The following RNF14 variants were observed in gnomAD, a reference collection of about 807,000 sequenced individuals.
The protein encoded by RNF14 is E3 ubiquitin-protein ligase RNF14.
A neutral mutation model predicts 52.6 loss-of-function variants in RNF14; 26 were observed. That is an observed-to-expected ratio of 0.49 (90% CI 0.36 to 0.69). The LOEUF is 0.69. Among genes scored for constraint, RNF14 ranks in the 30% least tolerant of loss-of-function variants. The pLI, the probability that RNF14 is intolerant of heterozygous loss-of-function variation, is 0.00. For missense variants in RNF14, 404 were observed against 560.4 expected (o/e 0.72, Z 2.82); for synonymous variants, 194 against 202.0 (o/e 0.96, Z 0.34).
chr5:141,977,850 A>C (rs1754401160), intron 4 of RNF14, among the ~76,000 whole-genome samples: 2 of 152,260 alleles, frequency 1.3e-5, no homozygotes, highest in South Asian at 4.1e-4. Flanking sequence ...TTTTTAAACT[A>C]TTCTTTTTCT....
At chr5:141,967,667 C>T (rs1395430457), upstream of RNF14, among the ~76,000 whole-genome samples, 1 of 152,170 alleles carries the variant, frequency 6.6e-6, no homozygotes, top group Non-Finnish European at 1.5e-5. Flanking sequence ...AGTCTTAGCT[C>T]TGCAAGTTAC....
upstream of RNF14, chr5:141,957,159 C>T (rs1459455929): frequency 1.2e-6 from 2 of 1,614,036 alleles, no homozygotes; most frequent in African/African-American, 1.3e-5. The surrounding 1 kb of genome is among the most constrained non-coding windows in gnomAD (Gnocchi z 4.3). Context: ...AGACGTTGAC[C>T]TTGACCAAGC....
upstream of RNF14, among the ~76,000 whole-genome samples, chr5:141,964,654 C>T (rs1006243271): frequency 1.3e-5 from 2 of 152,082 alleles, no homozygotes; most frequent in African/African-American, 4.8e-5. Context: ...CATTCTGTTG[C>T]CCAGGCTGGA....
At chr5:141,978,062 C>T (rs1754415375) in intron 4 of RNF14, among the ~76,000 whole-genome samples, 1 of 152,194 alleles carries the variant, frequency 6.6e-6, no homozygotes, top group Non-Finnish European at 1.5e-5. Flanking sequence ...CTCTTCTTCT[C>T]GTGGTACTTC....
intron 4 of RNF14, among the ~76,000 whole-genome samples, chr5:141,976,676 G>A (rs1754282342): frequency 6.6e-6 from 1 of 151,104 alleles, no homozygotes; most frequent in Admixed American, 6.6e-5. Flanking sequence ...AGTGGTTTTA[G>A]TTTTCTAAAA....
At position 141,984,783 on chromosome 5, in the gene RNF14, C is replaced by A. The variant is rs754931399; in HGVS notation, c.1237-20C>A. On this transcript the variant is annotated intron_variant, in intron 7 of 8. Transcript: ENST00000394520. Reference sequence around the variant, plus strand: ...GCTTTTACAGCCTTGATATTTTTCTCTTTCTATCCTTCCCACCAGAAATTA... The same window carrying A: ...GCTTTTACAGCCTTGATATTTTTCTATTTCTATCCTTCCCACCAGAAATTA... 7 of 1,612,276 alleles carry A rather than the reference C, an allele frequency of 4.3e-6. No individual in the cohort carries two copies. Among genetic ancestry groups the A allele is most frequent in the Non-Finnish European group, 5.9e-6 (7 of 1,178,704 alleles).
chr5:141,975,941 G>A lies in RNF14; in HGVS notation c.306+986G>A, dbSNP rs201188255. ...CCCTGTCTCAAAAAAAAAAAAAAAA[G>A]AAAAAGACAAAAGATGTCAGAGTTG... On this transcript the variant is annotated intron_variant, in intron 4 of 8. Transcript: ENST00000394520. Among the ~76,000 whole-genome samples, 992 of 138,834 alleles carry A rather than the reference G, an allele frequency of 7.1e-3. 12 individuals are homozygous for A. The highest frequency in any genetic ancestry group is 0.024 in the African/African-American group (916 of 37,712). The allele number at this position is 138,834 out of a possible 152,430, so 91.1% of individuals were successfully genotyped here.
chr5:141,976,344 A>G (rs2127003588), intron 4 of RNF14, among the ~76,000 whole-genome samples: 1 of 152,326 alleles, frequency 6.6e-6, no homozygotes, highest in East Asian at 1.9e-4. Context: ...CGCACAAAAC[A>G]GGGACAGATT....
intron 1 of RNF14, among the ~76,000 whole-genome samples, chr5:141,961,234 AC>A (rs1181457309): frequency 6.6e-5 from 10 of 151,888 alleles, no homozygotes; most frequent in African/African-American, 2.4e-4. Flanking sequence ...CTGTGTTTTG[AC>A]TGGGAATGTG....
chr5:141,987,105 T>C (rs1016698791), intron 8 of RNF14, among the ~76,000 whole-genome samples: 12 of 152,136 alleles, frequency 7.9e-5, no homozygotes, highest in African/African-American at 2.9e-4. Context: ...TTGGTTGATA[T>C]CAGCGGTGGA....
intron 5 of RNF14, among the ~76,000 whole-genome samples, chr5:141,979,498 C>T (rs185557037): frequency 2.0e-5 from 3 of 152,162 alleles, no homozygotes; most frequent in Non-Finnish European, 4.4e-5. Flanking sequence ...GTGATCCTCC[C>T]GCTTTGGCCT....
chr5:141,989,979 T>C lies in RNF14; in HGVS notation c.*2189T>C, dbSNP rs1755504753. On this transcript the variant is annotated 3_prime_UTR_variant, in exon 9 of 9. Coordinates refer to ENST00000394520, the MANE Select transcript of RNF14 (RefSeq NM_004290.5). Reference sequence around the variant, plus strand: ...TTTTATGAAAGAAATGGGAGCCTTTTTTCCCATTTATGATATTAAAAACAA... The same window carrying C: ...TTTTATGAAAGAAATGGGAGCCTTTCTTCCCATTTATGATATTAAAAACAA... 1 of 152,210 alleles carries C rather than the reference T, an allele frequency of 6.6e-6. No individual in the cohort carries two copies. 9.4% of individuals were successfully genotyped at this position (152,210 alleles called of 1,614,324 possible).
chr5:141,977,447 AC>A (rs1453210232), intron 4 of RNF14, among the ~76,000 whole-genome samples: 20 of 152,366 alleles, frequency 1.3e-4, no homozygotes, highest in African/African-American at 3.4e-4. Context: ...TTGGATGTTT[AC>A]CTAAAAAAGA....
At chr5:141,976,604 T>G (rs1754275822) in intron 4 of RNF14, among the ~76,000 whole-genome samples, 1 of 152,166 alleles carries the variant, frequency 6.6e-6, no homozygotes, top group South Asian at 2.1e-4. Context: ...CTCTCACCTG[T>G]TAATGGTGAA....
upstream of RNF14, among the ~76,000 whole-genome samples, chr5:141,967,970 A>C (rs375230576): frequency 1.8e-4 from 27 of 152,324 alleles, no homozygotes; most frequent in East Asian, 5.2e-3. Context: ...GAAACACCAT[A>C]TCTATTAGCG....
At chr5:141,969,835 A>G (rs1344493730) in intron 1 of RNF14, 1 of 152,258 alleles carries the variant, frequency 6.6e-6, no homozygotes, top group Non-Finnish European at 1.5e-5. Flanking sequence ...TCTAATGTGC[A>G]GTCAGATGGA....
upstream of RNF14, chr5:141,955,627 G>C (rs1214356718): frequency 6.2e-7 from 1 of 1,613,990 alleles, no homozygotes; most frequent in African/African-American, 1.3e-5. This position sits in a 1 kb window ranked among gnomAD's most constrained non-coding sequence, Gnocchi z 5.5. Context: ...CTTCTTTTCT[G>C]TCCGGCAGAT....
At chr5:141,951,518 A>G in the RNF14 span, 3 of 1,614,052 alleles carry the variant, frequency 1.9e-6, no homozygotes, top group Non-Finnish European at 2.5e-6. Context: ...TTGGCCAAGT[A>G]CTTATTTCCT....
chr5:141,955,100 C>T (rs762262497), upstream of RNF14: 1 of 1,614,216 alleles, frequency 6.2e-7, no homozygotes, highest in Admixed American at 1.7e-5. This position sits in a 1 kb window ranked among gnomAD's most constrained non-coding sequence, Gnocchi z 5.5. Context: ...GACACTTTGC[C>T]ATTGAGATGT....
Sources: allele counts gnomAD v4.1 joint callset (sites outside exome capture counted in the v4.1 genomes callset), GRCh38; gene constraint gnomAD v4.1.1; non-coding constraint Gnocchi (gnomAD v3.1); transcripts MANE v1.5; gene names NCBI Gene and HGNC (gene_info 2026-07-23, HGNC 2026-07-21).